Variants in SLC2A13 observed in about 807,000 individuals in gnomAD.
SLC2A13 encodes proton myo-inositol cotransporter.
A neutral mutation model predicts 64.4 loss-of-function variants in SLC2A13; 32 were observed. The ratio of observed to expected loss-of-function variants is 0.50; its 90% CI spans 0.37 to 0.67. The LOEUF is 0.67. SLC2A13 is among the 30% of genes least tolerant of loss of function. The pLI is 0.00. For missense variants in SLC2A13, 743 were observed against 829.2 expected, an observed-to-expected ratio of 0.90 and a Z score of 1.28; for synonymous variants, 338 against 327.1, an observed-to-expected ratio of 1.03 and a Z score of -0.36.
intron 4 of SLC2A13, among the ~76,000 whole-genome samples, chr12:39,931,085 T>C (rs1170851293): frequency 1.3e-5 from 2 of 152,186 alleles, no homozygotes; most frequent in Non-Finnish European, 2.9e-5. Flanking sequence ...GCCCCAGTCA[T>C]TTCAGTTTTT....
At position 40,077,857 on chromosome 12, in the gene SLC2A13, G is replaced by C. The variant is rs544499633; in HGVS notation, c.556+27396C>G. On this transcript the variant is annotated intron_variant, in intron 1 of 9. Transcript: ENST00000280871. ...AGTGTGTGGTAATTCTCATTGCACA[G>C]ATATTTCACTTCCCTGTATAGCTGT... Among the ~76,000 whole-genome samples the C allele has an allele frequency of 8.5e-5, 13 of 152,168 alleles. No homozygotes were observed. In the South Asian group the frequency reaches 2.5e-3, roughly 29 times the overall value.
At chr12:39,784,671 A>G (rs2135749367) in intron 7 of SLC2A13, among the ~76,000 whole-genome samples, 1 of 152,372 alleles carries the variant, frequency 6.6e-6, no homozygotes, top group African/African-American at 2.4e-5. Flanking sequence ...ATGGGCAAGG[A>G]CTTCATGACT....
At position 39,760,201 on chromosome 12, in the gene SLC2A13, T is replaced by C. The variant is rs1940082293; in HGVS notation, c.1772A>G (p.Tyr591Cys). The change falls in exon 10 of 10, where the codon TAT becomes TGT. Residue 591 changes from tyrosine (Y) to cysteine (C), a missense_variant. By Grantham distance (194) the Tyr-to-Cys change is radical. This residue lies in a region of SLC2A13 where 295 missense variants were observed against 381.7 expected (regional missense o/e 0.77). Coordinates refer to ENST00000280871, the MANE Select transcript of SLC2A13 (RefSeq NM_052885.4). ...GFAAVGLLFI[Y>C]GCLPETKGKK... The stretch of plus-strand genomic sequence containing the variant: ...GCCTTTGGTCTCAGGAAGACAGCCA[T>C]AGATGAAAAGGAGTCCCACAGCAGC... 6.2e-7 allele frequency: 1 copy of C among 1,612,734 alleles called. No homozygotes were observed. Among genetic ancestry groups the C allele is most frequent in the Non-Finnish European group, 8.5e-7 (1 of 1,179,272 alleles).
chr12:40,032,324 A>G (rs780490308), intron 2 of SLC2A13, among the ~76,000 whole-genome samples: 1 of 152,222 alleles, frequency 6.6e-6, no homozygotes, highest in Non-Finnish European at 1.5e-5. Flanking sequence ...AGTCAAGCAG[A>G]CATGCCAAGC....
intron 1 of SLC2A13, among the ~76,000 whole-genome samples, chr12:40,093,773 G>A (rs958360794): frequency 2.0e-5 from 3 of 152,254 alleles, no homozygotes; most frequent in Non-Finnish European, 4.4e-5. Context: ...GCTGGAAAAG[G>A]AGGGAAGGAA....
intron 3 of SLC2A13, among the ~76,000 whole-genome samples, chr12:39,958,706 A>G (rs1946359417): frequency 6.6e-6 from 1 of 152,106 alleles, no homozygotes; most frequent in Admixed American, 6.5e-5. Flanking sequence ...CTTCTCCTCT[A>G]ATAGGCAATG....
chr12:39,836,059 C>A (rs1316980526), intron 6 of SLC2A13, among the ~76,000 whole-genome samples: 1 of 152,002 alleles, frequency 6.6e-6, no homozygotes, highest in African/African-American at 2.4e-5. Flanking sequence ...TCGTTGAGGC[C>A]CACACAGAAA....
intron 7 of SLC2A13, among the ~76,000 whole-genome samples, chr12:39,794,674 G>T (rs1175504664): frequency 2.0e-5 from 3 of 152,108 alleles, no homozygotes; most frequent in African/African-American, 7.2e-5. Flanking sequence ...TCCTTTTTCT[G>T]TCCACAAATG....
chr12:39,798,646 C>T (rs1941663827), intron 7 of SLC2A13, among the ~76,000 whole-genome samples: 2 of 152,164 alleles, frequency 1.3e-5, no homozygotes, highest in Admixed American at 1.3e-4. Flanking sequence ...GCAAGCACAG[C>T]CTCCCTGGAA....
At chr12:40,025,455 T>C (rs1194393842) in intron 3 of SLC2A13, among the ~76,000 whole-genome samples, 2 of 152,180 alleles carry the variant, frequency 1.3e-5, no homozygotes, top group Non-Finnish European at 2.9e-5. Context: ...GGATCACATA[T>C]GCAAGTGCCA....
At chr12:39,934,788 G>A (rs943093623) in intron 4 of SLC2A13, among the ~76,000 whole-genome samples, 35 of 152,202 alleles carry the variant, frequency 2.3e-4, no homozygotes, top group African/African-American at 7.5e-4. Context: ...AACCTTATAT[G>A]TAGTTCTCTA....
intron 4 of SLC2A13, among the ~76,000 whole-genome samples, chr12:39,896,175 T>C (rs1944834131): frequency 6.7e-6 from 1 of 148,728 alleles, no homozygotes; most frequent in Non-Finnish European, 1.5e-5. Context: ...CATATATGAA[T>C]ATGTATATAT....
chr12:40,030,494 A>G (rs962794204), intron 2 of SLC2A13, among the ~76,000 whole-genome samples: 1 of 152,202 alleles, frequency 6.6e-6, no homozygotes, highest in Non-Finnish European at 1.5e-5. Context: ...TAAATTTTAA[A>G]AGTCCTAAAG....
chr12:40,030,100 C>G (rs542219667), intron 2 of SLC2A13, among the ~76,000 whole-genome samples: 1 of 152,296 alleles, frequency 6.6e-6, no homozygotes, highest in African/African-American at 2.4e-5. Context: ...TCTACATTAA[C>G]TAACCAGAAA....
intron 9 of SLC2A13, among the ~76,000 whole-genome samples, chr12:39,761,947 T>C (rs1940167457): frequency 6.6e-6 from 1 of 152,100 alleles, no homozygotes; most frequent in African/African-American, 2.4e-5. Context: ...AGCGCTAAAC[T>C]CACTCCTATA....
chr12:39,999,935 T>C (rs189460533), intron 3 of SLC2A13, among the ~76,000 whole-genome samples: 16 of 152,368 alleles, frequency 1.1e-4, no homozygotes, highest in African/African-American at 3.6e-4. Flanking sequence ...ATGTCACCCC[T>C]GGAGGCCCAG....
At chr12:39,835,436 A>G (rs981245071) in intron 6 of SLC2A13, among the ~76,000 whole-genome samples, 4 of 152,128 alleles carry the variant, frequency 2.6e-5, no homozygotes, top group African/African-American at 9.6e-5. Context: ...CTCTACATTA[A>G]GAAACTTTAC....
intron 1 of SLC2A13, chr12:40,068,580 G>T: frequency 1.1e-5 from 2 of 182,374 alleles, no homozygotes; most frequent in South Asian, 1.2e-4. Context: ...CATCATTTTT[G>T]CCACCATCAT....
chr12:39,876,632 T>C (rs956789846), intron 4 of SLC2A13, among the ~76,000 whole-genome samples: 13 of 152,112 alleles, frequency 8.5e-5, no homozygotes, highest in African/African-American at 3.1e-4. Context: ...CTTAGTGACA[T>C]AGACACTATG....
Sources: gnomAD v4.1 joint callset for allele counts (sites outside exome capture counted in the v4.1 genomes callset) on GRCh38, gnomAD v4.1.1 for gene constraint, gnomAD v4.1.1 regional missense constraint, MANE v1.5 for transcripts, NCBI Gene and HGNC (gene_info 2026-07-23, HGNC 2026-07-21) for gene names.